The following C3orf22 variants were observed in gnomAD, a reference collection of about 807,000 sequenced individuals.
C3orf22 encodes the protein uncharacterized protein C3orf22.
Under a neutral mutation model 10.8 loss-of-function variants are expected in C3orf22, and 7 were observed. The ratio of observed to expected loss-of-function variants is 0.65; its 90% confidence interval spans 0.37 to 1.22. C3orf22 has a LOEUF of 1.22. C3orf22 is among the 50% of genes most tolerant of loss of function. C3orf22 has a pLI of 0.02. For synonymous variants in C3orf22, 79 were observed against 78.9 expected (o/e 1.00, Z 0.00); for missense variants, 173 against 177.0 (o/e 0.98, Z 0.13).
chr3:126,553,012 G>A (rs747109373), intron 2 of C3orf22, among the ~76,000 whole-genome samples: 36 of 152,348 alleles, frequency 2.4e-4, no homozygotes, highest in Middle Eastern at 3.4e-3. Flanking sequence ...CAGCTCAGGA[G>A]GGGCAGTCGT....
At chr3:126,553,778 T>A (rs1165357685) in intron 1 of C3orf22, among the ~76,000 whole-genome samples, 1 of 152,132 alleles carries the variant, frequency 6.6e-6, no homozygotes, top group Non-Finnish European at 1.5e-5. Context: ...ACACGAGGTG[T>A]GTTTCTGAGA....
At chr3:126,549,409 G>C, downstream of C3orf22, 1 of 392,222 alleles carries the variant, frequency 2.5e-6, no homozygotes, top group Admixed American at 3.0e-5. Context: ...ACATTTGAAT[G>C]GCTGCCTAAG....
chr3:126,552,065 G>A lies in C3orf22; in HGVS notation c.147C>T (p.Asn49=), dbSNP rs746949100. ...GGGGCAGCTGCACCGTGTTCGAGTC[G>A]TTTGTGACCTCCCAGGGCTGCAGGG... ...PEPLQPWEVT[N]DSNTVQLPLQ... The change falls in exon 3 of 4, where the codon AAC becomes AAT. Residue 49 remains asparagine, a synonymous_variant. Transcript: ENST00000318225. 36 of 1,613,652 alleles carry A rather than the reference G, an allele frequency of 2.2e-5. No individual in the cohort carries two copies. The highest frequency in any genetic ancestry group is 4.5e-5 in the East Asian group (2 of 44,864).
intron 4 of C3orf22, among the ~76,000 whole-genome samples, chr3:126,540,386 C>T (rs543245454): frequency 3.1e-4 from 47 of 152,288 alleles, no homozygotes; most frequent in Middle Eastern, 3.4e-3. Flanking sequence ...CCATCAGCAG[C>T]CCAGTGTCTA....
intron 1 of C3orf22, among the ~76,000 whole-genome samples, chr3:126,557,264 A>G (rs887339635): frequency 6.6e-6 from 1 of 152,234 alleles, no homozygotes; most frequent in Non-Finnish European, 1.5e-5. Context: ...GGTCCAAGGC[A>G]GAGGCTGCCC....
At chr3:126,547,698 A>G (rs1444855783), downstream of C3orf22, among the ~76,000 whole-genome samples, 1 of 152,186 alleles carries the variant, frequency 6.6e-6, no homozygotes, top group Non-Finnish European at 1.5e-5. Flanking sequence ...AACTCTCTGG[A>G]AATTGTTCTG....
Position 126,542,300 on chromosome 3 carries a change from G to T in C3orf22, c.286+7237C>A, listed in dbSNP as rs765728786. 88 of 1,566,502 alleles carry T rather than the reference G, an allele frequency of 5.6e-5. 1 individual carries two copies. In the Middle Eastern group the frequency reaches 1.0e-3, roughly 18 times the overall value. ...GCCCTTCAACGAGCACTGGGAGCGC[G>T]CGCACGCGCTCTGCCACCCGTGTCG... On this transcript the variant is annotated intron_variant and NMD_transcript_variant, in intron 4 of 5. Transcript: ENST00000505070.
downstream of C3orf22, among the ~76,000 whole-genome samples, chr3:126,549,100 G>A (rs1303063748): frequency 1.3e-5 from 2 of 152,060 alleles, no homozygotes; most frequent in South Asian, 2.1e-4. Context: ...GCCACACCAC[G>A]CTCCTTACAT....
intron 4 of C3orf22, among the ~76,000 whole-genome samples, chr3:126,531,142 C>T (rs1283990078): frequency 2.0e-5 from 3 of 152,278 alleles, no homozygotes; most frequent in Admixed American, 2.0e-4. Flanking sequence ...TCAAAGCACG[C>T]TCCCAGACCA....
chr3:126,558,673 CAG>C lies in C3orf22; in HGVS notation c.-89_-88del, dbSNP rs1349888705. ...GGCAGTGACGATGATCAGGTGTGAT[CAG>C]AGAGTCCTGGAACTGCTCCTATCCA... On this transcript the variant is annotated 5_prime_UTR_variant, in exon 1 of 4. Coordinates refer to ENST00000318225, the MANE Select transcript of C3orf22 (RefSeq NM_152533.3). 1.3e-5 allele frequency: 2 copies of C among 152,310 alleles called. No individual in the cohort carries two copies. Among genetic ancestry groups the C allele is most frequent in the Admixed American group, 6.5e-5 (1 of 15,286 alleles). 9.4% of individuals were successfully genotyped at this position (152,310 alleles called of 1,614,324 possible).
Position 126,549,799 on chromosome 3 carries a change from T to G in C3orf22, c.*69A>C. 2 of 1,542,832 alleles carry G rather than the reference T, an allele frequency of 1.3e-6. No individual in the cohort carries two copies. Among genetic ancestry groups the G allele is most frequent in the Non-Finnish European group, 8.7e-7 (1 of 1,145,860 alleles). ...AGGCTGATCCCTTTACTAAAGTCTC[T>G]GTGGCTACTGCCCAGAGCCTGCCAA... is the stretch of plus-strand genomic sequence containing the variant. On this transcript the variant is annotated 3_prime_UTR_variant, in exon 4 of 4. Coordinates refer to ENST00000318225, the MANE Select transcript of C3orf22 (RefSeq NM_152533.3).
At chr3:126,531,044 C>G (rs960999249) in intron 4 of C3orf22, among the ~76,000 whole-genome samples, 11 of 152,262 alleles carry the variant, frequency 7.2e-5, no homozygotes, top group Non-Finnish European at 1.5e-4. Flanking sequence ...AAGGCCCGTC[C>G]AGCTGCCATC....
chr3:126,551,391 C>T (rs970413434), intron 3 of C3orf22, among the ~76,000 whole-genome samples: 1 of 152,236 alleles, frequency 6.6e-6, no homozygotes, highest in Admixed American at 6.5e-5. Flanking sequence ...CCGTGCATGA[C>T]TGAGGAGACA....
chr3:126,542,731 CAGG>C (rs1936999057), intron 4 of C3orf22: 1 of 1,213,052 alleles, frequency 8.2e-7, no homozygotes, highest in Non-Finnish European at 1.1e-6. Flanking sequence ...CACACCTGGC[CAGG>C]CTTGGGGGCA....
downstream of C3orf22, among the ~76,000 whole-genome samples, chr3:126,546,715 C>G (rs537306096): frequency 6.8e-5 from 10 of 148,008 alleles, no homozygotes; most frequent in South Asian, 4.1e-4. Flanking sequence ...TTGTTTAACT[C>G]CCCCCAGCCT....
chr3:126,549,819 T>C lies in C3orf22; in HGVS notation c.*49A>G. ...GTCTCTGTGGCTACTGCCCAGAGCC[T>C]GCCAAGGAGAAGGTGGCCAATAAGA... On this transcript the variant is annotated 3_prime_UTR_variant, in exon 4 of 4. Transcript: ENST00000318225. 6.4e-7 allele frequency: 1 copy of C among 1,570,620 alleles called. No individual in the cohort carries two copies. Among genetic ancestry groups the C allele is most frequent in the South Asian group, 1.2e-5 (1 of 83,544 alleles).
rs764003844 is a variant in C3orf22, at chr3:126,549,908, T to C, written c.386A>G (p.Gln129Arg). 1 of 1,613,994 alleles carries C rather than the reference T, an allele frequency of 6.2e-7. No homozygotes were observed. The highest frequency in any genetic ancestry group is 1.1e-5 in the South Asian group (1 of 91,072). Residue 129 changes from glutamine (Q) to arginine (R), a missense_variant, in exon 4 of 4, where the codon CAG (glutamine) becomes CGG (arginine). Transcript: ENST00000318225. ...GGACAGCCCTGCCGCCTTGCTGGTC[T>C]GGGGGCAGGCAGCCTCAGTGTGCCG... ...STRHTEAACP[Q>R]TSKAAGLSRG... is the part of the protein sequence containing the mutation.
chr3:126,536,165 T>C, intron 4 of C3orf22: 1 of 857,150 alleles, frequency 1.2e-6, no homozygotes, highest in South Asian at 1.6e-5. Flanking sequence ...GGAAGGAAAT[T>C]GAGTGCCAGA....
At chr3:126,529,078 C>T (rs1936594220) in intron 5 of C3orf22, 4 of 361,090 alleles carry the variant, frequency 1.1e-5, no homozygotes, top group Non-Finnish European at 2.2e-5. Flanking sequence ...TCTCTGCTTG[C>T]TGGACTAGGG....
Sources: allele counts gnomAD v4.1 joint callset (sites outside exome capture counted in the v4.1 genomes callset), GRCh38; gene constraint gnomAD v4.1.1; transcripts MANE v1.5; gene names NCBI Gene and HGNC (gene_info 2026-07-23, HGNC 2026-07-21).